SUMF1: variants seen among roughly 807,000 people sequenced by gnomAD.
The protein encoded by SUMF1 is formylglycine-generating enzyme.
In SUMF1, 48 loss-of-function variants were observed where a neutral mutation model predicts 47.6. That is an observed-to-expected ratio of 1.01 (90% CI 0.80 to 1.28). SUMF1 has a LOEUF of 1.28. Ranked by LOEUF, SUMF1 falls within the 50% of genes most tolerant of loss-of-function variation. The pLI, the probability that SUMF1 is intolerant of heterozygous loss-of-function variation, is 0.00. For synonymous variants in SUMF1, 230 were observed against 192.1 expected (o/e 1.20, Z -1.63); for missense variants, 571 against 485.4 (o/e 1.18, Z -1.66).
At chr3:4,039,234 T>A (rs1000331049) in intron 9 of SUMF1, among the ~76,000 whole-genome samples, 2 of 123,212 alleles carry the variant, frequency 1.6e-5, no homozygotes, top group African/African-American at 3.5e-5. Flanking sequence ...TTTTTTTTTT[T>A]ATTATACTCT....
intron 1 of SUMF1, among the ~76,000 whole-genome samples, chr3:4,464,213 G>A (rs1002053468): frequency 6.6e-6 from 1 of 151,908 alleles, no homozygotes. Context: ...GAATGTCCTT[G>A]AATCTGGAAT....
At chr3:4,236,930 T>C (rs1052379973) in intron 8 of SUMF1, among the ~76,000 whole-genome samples, 2 of 152,160 alleles carry the variant, frequency 1.3e-5, no homozygotes, top group Non-Finnish European at 2.9e-5. Flanking sequence ...TGTCAGTCAC[T>C]GATCTTTTAC....
At chr3:4,170,251 C>T (rs1694802293) in intron 8 of SUMF1, among the ~76,000 whole-genome samples, 1 of 152,122 alleles carries the variant, frequency 6.6e-6, no homozygotes, top group African/African-American at 2.4e-5. Context: ...GTTGACTGAA[C>T]CCTAGAGTGG....
chr3:4,290,277 GTGTAAA>G (rs1386254366), intron 8 of SUMF1, among the ~76,000 whole-genome samples: 28 of 147,922 alleles, frequency 1.9e-4, no homozygotes, highest in African/African-American at 6.7e-4. Flanking sequence ...CTCTTAGATT[GTGTAAA>G]TGTGAGTCTA....
rs566763197 is a variant in SUMF1 at position 4,354,609 on chromosome 3, A to T, written c.1014+21721T>A. Among the ~76,000 whole-genome samples, 6 of 152,292 alleles carry T rather than the reference A, an allele frequency of 3.9e-5. No homozygotes were observed. In the East Asian group the frequency reaches 1.2e-3, roughly 29 times the overall value. ...TTCAAGTACTAACACAAGTTTGGGG[A>T]TTAATCATGCCAGCTTTTTTCTTTT... On this transcript the variant is annotated intron_variant and NMD_transcript_variant, in intron 8 of 12. Transcript: ENST00000448413.
intron 8 of SUMF1, among the ~76,000 whole-genome samples, chr3:4,211,151 T>C (rs1695777804): frequency 4.9e-5 from 6 of 123,690 alleles, no homozygotes; most frequent in Non-Finnish European, 3.3e-5. Flanking sequence ...TACATATACA[T>C]ATATATACAT....
chr3:4,063,679 C>A (rs1014191903), intron 9 of SUMF1, among the ~76,000 whole-genome samples: 1 of 152,086 alleles, frequency 6.6e-6, no homozygotes, highest in African/African-American at 2.4e-5. Context: ...CAATAAAAGT[C>A]TCCTTTCTAC....
At chr3:4,409,228 T>C (rs1277411522) in intron 7 of SUMF1, among the ~76,000 whole-genome samples, 1 of 152,094 alleles carries the variant, frequency 6.6e-6, no homozygotes, top group East Asian at 1.9e-4. Flanking sequence ...AGACCTGAAT[T>C]ATGGAGTATG....
At chr3:4,306,528 A>G (rs560634828) in intron 8 of SUMF1, among the ~76,000 whole-genome samples, 4 of 152,342 alleles carry the variant, frequency 2.6e-5, no homozygotes, top group South Asian at 2.1e-4. Context: ...CTGTATATGC[A>G]CAGCTCCCAA....
chr3:4,302,559 A>G (rs1194233225), intron 8 of SUMF1, among the ~76,000 whole-genome samples: 1 of 152,106 alleles, frequency 6.6e-6, no homozygotes, highest in Non-Finnish European at 1.5e-5. Context: ...CCTGAATTCC[A>G]AAAGGAAGAA....
intron 8 of SUMF1, among the ~76,000 whole-genome samples, chr3:4,205,773 C>T (rs187282351): frequency 6.6e-6 from 1 of 152,080 alleles, no homozygotes; most frequent in African/African-American, 2.4e-5. Context: ...CTTACTTTCT[C>T]CCACAGAGTC....
At chr3:4,353,564 A>T (rs1699554828) in intron 8 of SUMF1, among the ~76,000 whole-genome samples, 1 of 152,208 alleles carries the variant, frequency 6.6e-6, no homozygotes, top group Non-Finnish European at 1.5e-5. Context: ...ATTTTTTAAC[A>T]TAAAAATATA....
intron 3 of SUMF1, among the ~76,000 whole-genome samples, chr3:4,433,044 TAA>T (rs1702286745): frequency 6.6e-6 from 1 of 152,244 alleles, no homozygotes; most frequent in South Asian, 2.1e-4. Context: ...TTTTGCCAGA[TAA>T]TTCTGAAAGT....
intron 8 of SUMF1, among the ~76,000 whole-genome samples, chr3:4,076,770 C>T (rs530652599): frequency 1.3e-4 from 20 of 152,168 alleles, no homozygotes; most frequent in African/African-American, 2.7e-4. Flanking sequence ...GAGACCGAGG[C>T]GGGCGGATCA....
chr3:4,228,210 G>T (rs1197795529), intron 8 of SUMF1, among the ~76,000 whole-genome samples: 1 of 152,012 alleles, frequency 6.6e-6, no homozygotes. Flanking sequence ...TTTATCTTAT[G>T]ATTTCAGTGA....
intron 1 of SUMF1, among the ~76,000 whole-genome samples, chr3:4,464,767 G>A (rs949301990): frequency 7.9e-5 from 12 of 152,320 alleles, no homozygotes; most frequent in African/African-American, 2.6e-4. Context: ...CTCCTATGAC[G>A]TCATTGTCTT....
intron 7 of SUMF1, among the ~76,000 whole-genome samples, chr3:4,381,536 G>C (rs1700505035): frequency 6.6e-6 from 1 of 152,190 alleles, no homozygotes; most frequent in Non-Finnish European, 1.5e-5. Context: ...ACAATCCATA[G>C]TAATGAAATG....
chr3:4,071,179 T>G (rs1200977406), intron 8 of SUMF1, among the ~76,000 whole-genome samples: 1 of 152,068 alleles, frequency 6.6e-6, no homozygotes, highest in Non-Finnish European at 1.5e-5. Flanking sequence ...TAGGAGGTGC[T>G]TCCACGATGG....
At chr3:4,378,848 C>A (rs1256070993) in intron 7 of SUMF1, among the ~76,000 whole-genome samples, 2 of 152,178 alleles carry the variant, frequency 1.3e-5, no homozygotes, top group Admixed American at 6.5e-5. Context: ...TATCTGCTAG[C>A]GTGCAATTTA....
Sources: allele counts gnomAD v4.1 joint callset (sites outside exome capture counted in the v4.1 genomes callset), GRCh38; gene constraint gnomAD v4.1.1; transcripts MANE v1.5; gene names NCBI Gene and HGNC (gene_info 2026-07-23, HGNC 2026-07-21).